The following IQCM variants were observed in gnomAD, a reference collection of about 807,000 sequenced individuals.
IQCM encodes the protein IQ motif containing M.
IQCM carries 45 observed loss-of-function variants against 57.6 expected under a neutral mutation model. That is an observed-to-expected ratio of 0.78 (90% confidence interval 0.62 to 1.00). The LOEUF is 1.00. IQCM is among the 50% of genes least tolerant of loss of function. The pLI is 0.00. For synonymous variants in IQCM, 148 were observed against 158.9 expected, an observed-to-expected ratio of 0.93 and a Z score of 0.51; for missense variants, 468 against 511.6, an observed-to-expected ratio of 0.91 and a Z score of 0.82.
intron 12 of IQCM, among the ~76,000 whole-genome samples, chr4:149,498,608 G>T (rs564716255): frequency 6.6e-6 from 1 of 152,120 alleles, no homozygotes; most frequent in Non-Finnish European, 1.5e-5. Context: ...TCAGGAAACC[G>T]CAGTAGGGAG....
chr4:149,541,414 T>G (rs1396305385), intron 12 of IQCM, among the ~76,000 whole-genome samples: 1 of 152,152 alleles, frequency 6.6e-6, no homozygotes, highest in Non-Finnish European at 1.5e-5. Context: ...TTTTTTTGAT[T>G]ATCTTAATTG....
At chr4:149,437,963 G>A (rs1735531897) in intron 12 of IQCM, among the ~76,000 whole-genome samples, 1 of 151,948 alleles carries the variant, frequency 6.6e-6, no homozygotes, top group African/African-American at 2.4e-5. Context: ...TCACACAAAT[G>A]CCAGCCCAGA....
intron 3 of IQCM, among the ~76,000 whole-genome samples, 197 bp from the exon 4 acceptor site, chr4:149,735,655 G>C (rs1466278835): frequency 1.3e-5 from 2 of 152,036 alleles, no homozygotes; most frequent in African/African-American, 2.4e-5. Flanking sequence ...AAAAAACAAA[G>C]AAAATATACA....
At position 149,724,740 on chromosome 4, in the gene IQCM, T is replaced by C. The variant is rs186657164; in HGVS notation, c.385+8504A>G. ...GTTTTCAAATTTAAATAACTCAAAA[T>C]AGACGTAAATATTTTTAATTCCTGA... On this transcript the variant is annotated intron_variant, in intron 5 of 13. Coordinates refer to ENST00000636793, the MANE Select transcript of IQCM (RefSeq NM_001363507.2). Among the ~76,000 whole-genome samples, 143 of 152,178 alleles carry C rather than the reference T, an allele frequency of 9.4e-4. No individual in the cohort carries two copies. In the Middle Eastern group the frequency reaches 0.01, roughly 11 times the overall value.
chr4:149,517,732 G>A (rs987213510), intron 12 of IQCM, among the ~76,000 whole-genome samples: 8 of 152,100 alleles, frequency 5.3e-5, no homozygotes, highest in Non-Finnish European at 1.2e-4. Flanking sequence ...CTGTCAGTGT[G>A]CCCAGAATAT....
intron 5 of IQCM, among the ~76,000 whole-genome samples, chr4:149,699,484 C>A (rs1198303389): frequency 6.6e-6 from 1 of 152,028 alleles, no homozygotes; most frequent in Non-Finnish European, 1.5e-5. Context: ...TTTATCAAAT[C>A]TGAGCCTTTG....
At chr4:149,795,202 G>C (rs1207823759) in intron 2 of IQCM, among the ~76,000 whole-genome samples, 1 of 152,132 alleles carries the variant, frequency 6.6e-6, no homozygotes, top group East Asian at 1.9e-4. Context: ...TGTTTAAACA[G>C]GGCATAGATT....
At chr4:149,552,855 C>T (rs1400752502) in intron 11 of IQCM, among the ~76,000 whole-genome samples, 2 of 152,186 alleles carry the variant, frequency 1.3e-5, no homozygotes, top group African/African-American at 4.8e-5. Flanking sequence ...ATCTCTGAAG[C>T]AGTTGTGTTT....
chr4:149,698,281 A>T (rs1763491723), intron 5 of IQCM, among the ~76,000 whole-genome samples: 1 of 152,116 alleles, frequency 6.6e-6, no homozygotes, highest in East Asian at 1.9e-4. Context: ...TTTACATTTC[A>T]TAATCCCGTA....
In IQCM at chr4:149,504,302, C is replaced by T. The variant is rs184376810; in HGVS notation, c.1228+44153G>A. Among the ~76,000 whole-genome samples the T allele has an allele frequency of 3.1e-3, 467 of 152,160 alleles. 7 individuals carry two copies. Among genetic ancestry groups the T allele is most frequent in the African/African-American group, 9.9e-3 (409 of 41,520 alleles). Reference sequence around the variant, plus strand: ...AAACAATTCTATGTTAAAATTACTGCGCAAAATGAATGTGCAACCGAATTT... The same window carrying T: ...AAACAATTCTATGTTAAAATTACTGTGCAAAATGAATGTGCAACCGAATTT... On this transcript the variant is annotated intron_variant, in intron 12 of 13. Coordinates refer to ENST00000636793, the MANE Select transcript of IQCM (RefSeq NM_001363507.2).
chr4:149,448,331 T>C (rs111401896), intron 12 of IQCM, among the ~76,000 whole-genome samples: 21 of 151,668 alleles, frequency 1.4e-4, no homozygotes, highest in African/African-American at 5.1e-4. Flanking sequence ...AACATAAATA[T>C]TCATATCTCT....
chr4:149,362,223 G>A (rs908309580), intron 13 of IQCM, among the ~76,000 whole-genome samples: 3 of 152,124 alleles, frequency 2.0e-5, no homozygotes, highest in African/African-American at 7.2e-5. Context: ...CTAAGCAGAA[G>A]GGACTTGCCT....
chr4:149,483,979 A>G (rs1240742448), intron 12 of IQCM, among the ~76,000 whole-genome samples: 1 of 151,958 alleles, frequency 6.6e-6, no homozygotes, highest in Non-Finnish European at 1.5e-5. Flanking sequence ...ATTTACAATC[A>G]TGATATCCTC....
intron 5 of IQCM, among the ~76,000 whole-genome samples, chr4:149,732,775 A>G (rs1766579783): frequency 6.6e-6 from 1 of 152,170 alleles, no homozygotes; most frequent in African/African-American, 2.4e-5. Context: ...TCTAATTTAC[A>G]CCTACCATGT....
Position 149,368,843 on chromosome 4 carries a change from CATATATATACAT to C in IQCM, c.1391-16789_1391-16778del, listed in dbSNP as rs1730072891. 3.4e-5 allele frequency among the ~76,000 whole-genome samples: 2 copies of C among 58,034 alleles called. 1 individual carries two copies. Among genetic ancestry groups the C allele is most frequent in the East Asian group, 9.0e-4 (2 of 2,226 alleles). 38.1% of individuals were successfully genotyped at this position (58,034 alleles called of 152,430 possible). A position where few individuals can be genotyped will look rare whatever the true frequency, so the allele number is the denominator to read the frequency against. ...ACATATATATACATGTATATATATACATATATATACATGTATATATATACATATATACACGTG... is the reference window on the plus strand; with the variant it reads ...ACATATATATACATGTATATATATACGTATATATATACATATATACACGTG... On this transcript the variant is annotated intron_variant, in intron 13 of 13. Coordinates refer to ENST00000636793, the MANE Select transcript of IQCM (RefSeq NM_001363507.2).
At chr4:149,421,227 G>A (rs558963265) in intron 13 of IQCM, among the ~76,000 whole-genome samples, 11 of 151,988 alleles carry the variant, frequency 7.2e-5, no homozygotes, top group Admixed American at 2.0e-4. Flanking sequence ...TAGAGTATTC[G>A]TTAAATAAAT....
intron 12 of IQCM, among the ~76,000 whole-genome samples, chr4:149,512,192 T>A (rs1452186346): frequency 6.6e-6 from 1 of 152,190 alleles, no homozygotes; most frequent in Non-Finnish European, 1.5e-5. Context: ...ATGGGAAATA[T>A]AAATCAAGTA....
At chr4:149,470,375 A>C (rs893905428) in intron 12 of IQCM, among the ~76,000 whole-genome samples, 2 of 152,222 alleles carry the variant, frequency 1.3e-5, no homozygotes, top group African/African-American at 4.8e-5. Context: ...GGAGACAAAG[A>C]AGGCCATGAC....
intron 2 of IQCM, among the ~76,000 whole-genome samples, chr4:149,812,931 T>C (rs1439905746): frequency 6.6e-6 from 1 of 152,186 alleles, no homozygotes. Flanking sequence ...AATCAACAAC[T>C]TAATCCTGGT....
Sources: allele counts gnomAD v4.1 joint callset (sites outside exome capture counted in the v4.1 genomes callset), GRCh38; gene constraint gnomAD v4.1.1; transcripts MANE v1.5; gene names NCBI Gene and HGNC (gene_info 2026-07-23, HGNC 2026-07-21).